Variants in STOX2 observed in about 807,000 individuals in gnomAD.
STOX2 encodes the protein storkhead box 2, also known as storkhead-box protein 2.
In STOX2, 28 loss-of-function variants were observed where a neutral mutation model predicts 60.9. The ratio of observed to expected loss-of-function variants is 0.46; its 90% CI spans 0.34 to 0.63. STOX2 has a LOEUF of 0.63. Ranked by LOEUF, STOX2 falls within the 30% of genes least tolerant of loss-of-function variation. The pLI, the probability that STOX2 is intolerant of heterozygous loss-of-function variation, is 0.01. For synonymous variants in STOX2, 472 were observed against 463.9 expected, an observed-to-expected ratio of 1.02 and a Z score of -0.22; for missense variants, 1,024 against 1,187.7, an observed-to-expected ratio of 0.86 and a Z score of 2.03.
At chr4:183,876,034 T>C (rs1470750208) in intron 1 of STOX2, among the ~76,000 whole-genome samples, 1 of 152,198 alleles carries the variant, frequency 6.6e-6, no homozygotes, top group Non-Finnish European at 1.5e-5. Context: ...TTAGATACTG[T>C]TGACCAGAGG....
At chr4:183,884,654 G>A (rs1254872788) in intron 1 of STOX2, among the ~76,000 whole-genome samples, 3 of 152,068 alleles carry the variant, frequency 2.0e-5, no homozygotes, top group East Asian at 3.9e-4. Flanking sequence ...CAGAAGCCGC[G>A]AGCAGGTGTT....
At chr4:183,798,247 G>A (rs2111087374) in intron 1 of STOX2, among the ~76,000 whole-genome samples, 1 of 151,436 alleles carries the variant, frequency 6.6e-6, no homozygotes, top group African/African-American at 2.4e-5. Context: ...TCCTGGCACC[G>A]AAAGGAGGGA....
chr4:183,869,671 C>A (rs1682591963), intron 1 of STOX2, among the ~76,000 whole-genome samples: 2 of 152,156 alleles, frequency 1.3e-5, no homozygotes, highest in African/African-American at 4.8e-5. Flanking sequence ...TTCACTAATT[C>A]TAAATTTTGT....
intron 2 of STOX2, among the ~76,000 whole-genome samples, chr4:184,008,004 C>T (rs1733946096): frequency 6.6e-6 from 1 of 152,294 alleles, no homozygotes; most frequent in South Asian, 2.1e-4. Flanking sequence ...CTAACAATGA[C>T]AGGGCAGGGT....
At chr4:183,995,874 A>G (rs1036889915) in intron 1 of STOX2, among the ~76,000 whole-genome samples, 17 of 152,148 alleles carry the variant, frequency 1.1e-4, no homozygotes, top group African/African-American at 4.1e-4. Flanking sequence ...TGGGCTCAGC[A>G]TGCTGCACCC....
In STOX2 at chr4:184,018,221, C is replaced by A. The variant is rs1734455880; in HGVS notation, c.*937C>A. 1 of 152,146 alleles carries A rather than the reference C, an allele frequency of 6.6e-6. No individual in the cohort carries two copies. Among genetic ancestry groups the A allele is most frequent in the African/African-American group, 2.4e-5 (1 of 41,434 alleles). 9.4% of individuals were successfully genotyped at this position (152,146 alleles called of 1,614,324 possible). On this transcript the variant is annotated 3_prime_UTR_variant, in exon 4 of 4. Coordinates refer to ENST00000308497, the MANE Select transcript of STOX2 (RefSeq NM_020225.3). Reference sequence around the variant, plus strand: ...ATACAATAATTAGTTTGTTTAAAAGCAAAATGTTCTTTGTGATACAAATGA... The same window carrying A: ...ATACAATAATTAGTTTGTTTAAAAGAAAAATGTTCTTTGTGATACAAATGA...
chr4:183,985,828 T>C (rs1732815977), intron 1 of STOX2, among the ~76,000 whole-genome samples: 1 of 152,244 alleles, frequency 6.6e-6, no homozygotes, highest in African/African-American at 2.4e-5. Context: ...ATTTGTTATA[T>C]GCTTCCATCA....
rs192725714 is a variant in STOX2 at position 183,806,285 on chromosome 4, C to T, written c.364+8230C>T. Among the ~76,000 whole-genome samples, 5 of 152,328 alleles carry T rather than the reference C, an allele frequency of 3.3e-5. No homozygotes were observed. The highest frequency in any genetic ancestry group is 5.9e-5 in the Non-Finnish European group (4 of 68,034). ...ACTTGCTTCTGTAAGCAGGATGTCA[C>T]CTCCCCACTCCCCAATAACGTACGT... is the stretch of plus-strand genomic sequence containing the variant. On this transcript the variant is annotated intron_variant, in intron 1 of 2. Coordinates refer to the STOX2 transcript ENST00000513034. This position sits in a 1 kb window ranked among gnomAD's most constrained non-coding sequence, Gnocchi z 4.1.
intron 1 of STOX2, among the ~76,000 whole-genome samples, chr4:183,907,291 G>T (rs1297664095): frequency 6.6e-6 from 1 of 152,186 alleles, no homozygotes; most frequent in African/African-American, 2.4e-5. Flanking sequence ...TGCCTGCAGT[G>T]CCAGGCTTGC....
rs746793929 is a variant in STOX2 at position 183,825,509 on chromosome 4, C to T, written c.364+27454C>T. On this transcript the variant is annotated intron_variant, in intron 1 of 2. Transcript: ENST00000513034. The surrounding 1 kb of genome is among the most constrained non-coding windows in gnomAD (Gnocchi z 4.1). Reference sequence around the variant, plus strand: ...AGGCAACCTTCAATGGGTGAATAGACGTTCCTTCAGGCCCAAGTGCAGGCA... The same window carrying T: ...AGGCAACCTTCAATGGGTGAATAGATGTTCCTTCAGGCCCAAGTGCAGGCA... Among the ~76,000 whole-genome samples, 10 of 152,174 alleles carry T rather than the reference C, an allele frequency of 6.6e-5. No individual in the cohort carries two copies. Among genetic ancestry groups the T allele is most frequent in the African/African-American group, 7.2e-5 (3 of 41,446 alleles).
intron 1 of STOX2, among the ~76,000 whole-genome samples, chr4:183,948,908 G>C (rs891301450): frequency 6.6e-6 from 1 of 152,130 alleles, no homozygotes; most frequent in Non-Finnish European, 1.5e-5. Flanking sequence ...AACATGTGAA[G>C]TATTGTCTCT....
intron 1 of STOX2, among the ~76,000 whole-genome samples, chr4:183,822,505 C>G (rs572786683): frequency 2.6e-5 from 4 of 152,204 alleles, no homozygotes; most frequent in Non-Finnish European, 5.9e-5. Context: ...ACGGTCCCAT[C>G]TGGGAGACAG....
chr4:183,909,853 A>G (rs1741729707), intron 1 of STOX2, among the ~76,000 whole-genome samples: 1 of 152,246 alleles, frequency 6.6e-6, no homozygotes, highest in African/African-American at 2.4e-5. Context: ...CTTGACATTT[A>G]GCCTTGGCCT....
chr4:183,877,018 A>G (rs981469376), intron 1 of STOX2, among the ~76,000 whole-genome samples: 1 of 152,312 alleles, frequency 6.6e-6, no homozygotes, highest in Non-Finnish European at 1.5e-5. Flanking sequence ...CGGCTTCAGG[A>G]AAAAAGGCCC....
In STOX2 at chr4:184,017,051, T is replaced by C. The variant is rs921212917; in HGVS notation, c.2586-38T>C. 3.3e-6 allele frequency: 5 copies of C among 1,523,774 alleles called. No individual in the cohort carries two copies. The African/African-American group carries it at 7.0e-5, about 21-fold the overall frequency. 94.4% of individuals were successfully genotyped at this position (1,523,774 alleles called of 1,614,324 possible). A position where few individuals can be genotyped will look rare whatever the true frequency, so the allele number is the denominator to read the frequency against. On this transcript the variant is annotated intron_variant, in intron 3 of 3. Coordinates refer to ENST00000308497, the MANE Select transcript of STOX2 (RefSeq NM_020225.3). ...GGGCTCAATTTATAATTATTTATGT[T>C]CCAAACAAAACAAAACAAACCCTTT...
chr4:184,004,227 G>C (rs1487943687), intron 2 of STOX2, among the ~76,000 whole-genome samples: 2 of 152,120 alleles, frequency 1.3e-5, no homozygotes, highest in African/African-American at 2.4e-5. Flanking sequence ...TAAATCAAAA[G>C]TGTAGTCTAG....
intron 1 of STOX2, chr4:183,988,578 G>T (rs547163315): frequency 6.6e-6 from 1 of 152,582 alleles, no homozygotes; most frequent in African/African-American, 2.4e-5. Flanking sequence ...TTTTTAAAAA[G>T]TAGATCTACG....
intron 1 of STOX2, among the ~76,000 whole-genome samples, chr4:183,920,079 A>G (rs1742054287): frequency 6.6e-6 from 1 of 152,130 alleles, no homozygotes. Context: ...ACTTTTAATC[A>G]TGTTCAGTGT....
intron 2 of STOX2, among the ~76,000 whole-genome samples, chr4:184,003,095 C>G (rs886633785): frequency 7.2e-5 from 11 of 152,184 alleles, no homozygotes; most frequent in Admixed American, 3.3e-4. Context: ...GTGAGAGCCA[C>G]CTAAGTGGGG....
Sources: gnomAD v4.1 joint callset for allele counts (sites outside exome capture counted in the v4.1 genomes callset) on GRCh38, gnomAD v4.1.1 for gene constraint, Gnocchi (gnomAD v3.1) non-coding constraint, MANE v1.5 for transcripts, NCBI Gene and HGNC (gene_info 2026-07-23, HGNC 2026-07-21) for gene names.